PLCB1: variants seen among roughly 807,000 people sequenced by gnomAD.
PLCB1 encodes 1-phosphatidylinositol 4,5-bisphosphate phosphodiesterase beta-1.
Under a neutral mutation model 161.8 loss-of-function variants are expected in PLCB1, and 46 were observed. That is an observed-to-expected ratio of 0.28 (90% confidence interval 0.22 to 0.36). The LOEUF (loss-of-function observed/expected upper bound fraction) is 0.36, where lower values mean the gene tolerates loss of function less well. PLCB1 is among the 10% of genes least tolerant of loss of function. The pLI is 1.00. For synonymous variants in PLCB1, 517 were observed against 503.7 expected (o/e 1.03, Z -0.35); for missense variants, 1,016 against 1,472.5 (o/e 0.69, Z 5.07).
intron 3 of PLCB1, among the ~76,000 whole-genome samples, chr20:8,594,404 G>T (rs1290098286): frequency 6.6e-6 from 1 of 152,146 alleles, no homozygotes; most frequent in Non-Finnish European, 1.5e-5. Flanking sequence ...TTCAATCAGG[G>T]CTTCTCAAAC....
At chr20:8,259,595 A>G (rs570427774) in intron 2 of PLCB1, among the ~76,000 whole-genome samples, 2 of 152,202 alleles carry the variant, frequency 1.3e-5, no homozygotes, top group African/African-American at 4.8e-5. Flanking sequence ...CAGTCTGGGT[A>G]ACAGGATGAG....
chr20:8,566,045 A>G (rs1986323826), intron 3 of PLCB1, among the ~76,000 whole-genome samples: 1 of 152,156 alleles, frequency 6.6e-6, no homozygotes, highest in African/African-American at 2.4e-5. Flanking sequence ...GTTTCATCTC[A>G]TTATGTATTT....
At chr20:8,729,216 G>T in intron 18 of PLCB1, 42 bp downstream of exon 18, 1 of 1,511,360 alleles carries the variant, frequency 6.6e-7, no homozygotes, top group East Asian at 2.4e-5. Flanking sequence ...AACTCACATT[G>T]CCAAGTGTCC....
intron 26 of PLCB1, among the ~76,000 whole-genome samples, chr20:8,773,817 T>C (rs1982810876): frequency 6.6e-6 from 1 of 152,060 alleles, no homozygotes; most frequent in Admixed American, 6.6e-5. Flanking sequence ...CTAATAAAAA[T>C]ACAAAAATTA....
Position 8,721,394 on chromosome 20 carries a change from G to A in PLCB1, c.1514-960G>A, listed in dbSNP as rs116751165. On this transcript the variant is annotated intron_variant, in intron 14 of 31. Transcript: ENST00000338037. ...CTTTCGAACCATTTAGAACAACCTC[G>A]CTGACTTTTTACTTGAAAATCTTTT... Among the ~76,000 whole-genome samples, 1,039 of 152,256 alleles carry A rather than the reference G, an allele frequency of 6.8e-3. 12 individuals are homozygous for A. The highest frequency in any genetic ancestry group is 0.024 in the African/African-American group (987 of 41,546).
intron 3 of PLCB1, among the ~76,000 whole-genome samples, chr20:8,572,044 T>G (rs1384501335): frequency 6.6e-6 from 1 of 152,198 alleles, no homozygotes; most frequent in African/African-American, 2.4e-5. Context: ...AAAATTAAAA[T>G]TGTTTATTAC....
chr20:8,273,178 G>T (rs1600278653), intron 2 of PLCB1, among the ~76,000 whole-genome samples: 1 of 152,208 alleles, frequency 6.6e-6, no homozygotes, highest in Middle Eastern at 3.4e-3. Context: ...ATTAAAGCTG[G>T]ATGAACTAAA....
chr20:8,636,080 T>C (rs149013906), intron 4 of PLCB1, among the ~76,000 whole-genome samples: 4 of 152,284 alleles, frequency 2.6e-5, no homozygotes, highest in African/African-American at 7.2e-5. Flanking sequence ...TGAAAAATGA[T>C]TAAGAAAAAA....
At chr20:8,614,605 T>C (rs915536941) in intron 3 of PLCB1, among the ~76,000 whole-genome samples, 1 of 151,688 alleles carries the variant, frequency 6.6e-6, no homozygotes. Context: ...TGTGTGTGTG[T>C]GTGTGTGTGT....
intron 3 of PLCB1, among the ~76,000 whole-genome samples, chr20:8,544,596 G>A (rs571407525): frequency 7.4e-4 from 113 of 152,324 alleles, no homozygotes; most frequent in African/African-American, 2.5e-3. Flanking sequence ...AAGGCACTGC[G>A]TATGTGTAAG....
At chr20:8,781,744 G>A (rs1022751114) in intron 27 of PLCB1, among the ~76,000 whole-genome samples, 2 of 152,126 alleles carry the variant, frequency 1.3e-5, no homozygotes, top group African/African-American at 4.8e-5. Flanking sequence ...AAGCAAGGAG[G>A]AGCAAGTCAC....
intron 31 of PLCB1, among the ~76,000 whole-genome samples, chr20:8,870,673 G>A (rs567068438): frequency 2.4e-4 from 36 of 152,242 alleles, no homozygotes; most frequent in African/African-American, 7.2e-4. Context: ...GATCTACTTA[G>A]TATTTTGCCT....
chr20:8,880,303 T>G (rs1448919544), intron 31 of PLCB1, among the ~76,000 whole-genome samples: 1 of 152,118 alleles, frequency 6.6e-6, no homozygotes, highest in Non-Finnish European at 1.5e-5. Context: ...CAGACAACTC[T>G]CCCTGTTGCC....
chr20:8,401,267 T>C (rs1978538367), intron 3 of PLCB1, among the ~76,000 whole-genome samples: 1 of 152,256 alleles, frequency 6.6e-6, no homozygotes, highest in Admixed American at 6.5e-5. Flanking sequence ...TATCATATAC[T>C]GGAAATATGA....
intron 2 of PLCB1, among the ~76,000 whole-genome samples, chr20:8,265,382 C>T (rs941739901): frequency 6.6e-6 from 1 of 152,090 alleles, no homozygotes; most frequent in Non-Finnish European, 1.5e-5. Context: ...GGCGAAGTAC[C>T]ATTTAAGACT....
intron 3 of PLCB1, among the ~76,000 whole-genome samples, chr20:8,508,717 C>T (rs185442543): frequency 3.3e-5 from 5 of 151,954 alleles, no homozygotes; most frequent in East Asian, 1.9e-4. Context: ...AGCACTTCCA[C>T]GTAGAATGCA....
At chr20:8,579,763 G>A (rs1986776603) in intron 3 of PLCB1, among the ~76,000 whole-genome samples, 1 of 151,990 alleles carries the variant, frequency 6.6e-6, no homozygotes, top group Non-Finnish European at 1.5e-5. Flanking sequence ...GAAGAGTCTA[G>A]CTGGCCTTAT....
chr20:8,191,916 G>A (rs1055067169), intron 2 of PLCB1, among the ~76,000 whole-genome samples: 10 of 151,910 alleles, frequency 6.6e-5, no homozygotes, highest in African/African-American at 2.4e-4. Flanking sequence ...CACTTGTAAA[G>A]CAGGTTTGAA....
chr20:8,330,096 A>G (rs1985308936), intron 2 of PLCB1, among the ~76,000 whole-genome samples: 1 of 152,206 alleles, frequency 6.6e-6, no homozygotes, highest in Non-Finnish European at 1.5e-5. Flanking sequence ...TTCTTCTGCA[A>G]AAAAATGTAG....
Sources: allele counts gnomAD v4.1 joint callset (sites outside exome capture counted in the v4.1 genomes callset), GRCh38; gene constraint gnomAD v4.1.1; transcripts MANE v1.5; gene names NCBI Gene and HGNC (gene_info 2026-07-23, HGNC 2026-07-21).